SFXN4: variants seen among roughly 807,000 people sequenced by gnomAD.
SFXN4 encodes sideroflexin-4.
A neutral mutation model predicts 54.6 loss-of-function variants in SFXN4; 48 were observed. That is an observed-to-expected ratio of 0.88 (90% CI 0.70 to 1.12). The LOEUF (loss-of-function observed/expected upper bound fraction) is 1.12. SFXN4 is among the 50% of genes most tolerant of loss of function. The probability of loss-of-function intolerance (pLI) is 0.00; values close to 1 mark genes in which losing one functional copy is unlikely to be tolerated. For missense variants in SFXN4, 383 were observed against 409.2 expected, an observed-to-expected ratio of 0.94 and a Z score of 0.55; for synonymous variants, 130 against 145.5, an observed-to-expected ratio of 0.89 and a Z score of 0.77.
At chr10:119,146,452 T>TGCGC in intron 12 of SFXN4, 99 bp from the exon 13 acceptor site, 1 of 588,444 alleles carries the variant, frequency 1.7e-6, no homozygotes. Context: ...TGTGTGTGTG[T>TGCGC]GTGTGTGTGC....
chr10:119,158,490 C>T (rs1382476927), intron 6 of SFXN4, among the ~76,000 whole-genome samples: 1 of 151,460 alleles, frequency 6.6e-6, no homozygotes, highest in Non-Finnish European at 1.5e-5. Flanking sequence ...GTGGTGCACA[C>T]CTGTAATCCC....
chr10:119,142,877 G>T (rs535375173), intron 13 of SFXN4, among the ~76,000 whole-genome samples: 2 of 151,662 alleles, frequency 1.3e-5, no homozygotes, highest in Non-Finnish European at 2.9e-5. Context: ...GATTACAGGC[G>T]CCTGCCACCA....
At chr10:119,162,723 AG>A (rs1466428220) in intron 2 of SFXN4, among the ~76,000 whole-genome samples, 1 of 152,182 alleles carries the variant, frequency 6.6e-6, no homozygotes, top group African/African-American at 2.4e-5. Context: ...TCAGAAACCT[AG>A]AAGTCCTTCT....
chr10:119,151,623 C>G (rs926660617), intron 11 of SFXN4, among the ~76,000 whole-genome samples: 3 of 151,802 alleles, frequency 2.0e-5, no homozygotes, highest in African/African-American at 7.3e-5. Flanking sequence ...TCAAGTGATT[C>G]TCCTGCCTCA....
intron 1 of SFXN4, among the ~76,000 whole-genome samples, chr10:119,164,635 C>G (rs553678743): frequency 6.6e-6 from 1 of 152,256 alleles, no homozygotes; most frequent in South Asian, 2.1e-4. Context: ...CCATTAAGGG[C>G]TCAATGGTGC....
chr10:119,159,764 G>C lies in SFXN4; in HGVS notation c.335-11C>G. Reference sequence around the variant, plus strand: ...TGAAAGGCAGGAACGCTGGCAGGAAGAGAAGAGAGGAGGTGTCAGTGATCA... The same window carrying C: ...TGAAAGGCAGGAACGCTGGCAGGAACAGAAGAGAGGAGGTGTCAGTGATCA... On this transcript the variant is annotated splice_polypyrimidine_tract_variant and intron_variant, in intron 5 of 13. Coordinates refer to ENST00000355697, the MANE Select transcript of SFXN4 (RefSeq NM_213649.2). 1.9e-6 allele frequency: 3 copies of C among 1,613,580 alleles called. No individual in the cohort carries two copies. Among genetic ancestry groups the C allele is most frequent in the Non-Finnish European group, 2.5e-6 (3 of 1,179,598 alleles).
intron 9 of SFXN4, 95 bp from the exon 10 acceptor site, chr10:119,156,851 T>G (rs1479556690): frequency 2.3e-6 from 2 of 867,144 alleles, no homozygotes; most frequent in African/African-American, 3.4e-5. Flanking sequence ...CTAGTTCCTA[T>G]TACAAGTCAG....
At chr10:119,142,317 C>T (rs937024940) in intron 13 of SFXN4, among the ~76,000 whole-genome samples, 2 of 152,118 alleles carry the variant, frequency 1.3e-5, no homozygotes, top group Non-Finnish European at 2.9e-5. Flanking sequence ...ACCTCCCACA[C>T]CCAGCAGTAG....
chr10:119,156,470 T>C (rs1847283373), intron 10 of SFXN4, among the ~76,000 whole-genome samples: 1 of 152,188 alleles, frequency 6.6e-6, no homozygotes, highest in African/African-American at 2.4e-5. Context: ...TTGTGTTCAT[T>C]CTTTAGCCAT....
chr10:119,143,078 G>C (rs931034662), intron 13 of SFXN4, among the ~76,000 whole-genome samples: 9 of 151,868 alleles, frequency 5.9e-5, no homozygotes, highest in Admixed American at 3.9e-4. Context: ...TGGCATCTGA[G>C]GTCACGCGTG....
chr10:119,154,777 A>C (rs930088244), intron 11 of SFXN4, among the ~76,000 whole-genome samples: 1 of 152,204 alleles, frequency 6.6e-6, no homozygotes, highest in African/African-American at 2.4e-5. Flanking sequence ...GGTTGCAGTG[A>C]GCCAAGACTG....
chr10:119,164,353 C>T (rs1225543136), intron 1 of SFXN4, among the ~76,000 whole-genome samples, 157 bp from the exon 2 acceptor site: 1 of 150,674 alleles, frequency 6.6e-6, no homozygotes, highest in African/African-American at 2.5e-5. Context: ...CCAACCTCTC[C>T]AGGTTCTCCA....
chr10:119,157,958 C>T lies in SFXN4; in HGVS notation c.415-31G>A, dbSNP rs376875849. 79 of 1,613,964 alleles carry T rather than the reference C, an allele frequency of 4.9e-5. No individual in the cohort carries two copies. The African/African-American group carries it at 5.3e-4, about 11-fold the overall frequency. ...GAGAGGGGCAAATGGATCGCATTTT[C>T]GTTTCAAGCATAACAGAATTTAGTA... On this transcript the variant is annotated intron_variant, in intron 7 of 13. Coordinates refer to ENST00000355697, the MANE Select transcript of SFXN4 (RefSeq NM_213649.2).
At chr10:119,148,496 C>T (rs527648251) in intron 11 of SFXN4, among the ~76,000 whole-genome samples, 1 of 152,170 alleles carries the variant, frequency 6.6e-6, no homozygotes, top group East Asian at 1.9e-4. Context: ...AGGTTTGCTC[C>T]GTATTTCCCA....
At chr10:119,161,268 G>A (rs181613929) in intron 3 of SFXN4, among the ~76,000 whole-genome samples, 187 bp from the exon 4 acceptor site, 14 of 151,940 alleles carry the variant, frequency 9.2e-5, no homozygotes, top group East Asian at 7.8e-4. Context: ...ACAGGCTCAC[G>A]CCACCATTCC....
At chr10:119,162,114 T>C (rs1212432609) in intron 3 of SFXN4, 7 of 546,820 alleles carry the variant, frequency 1.3e-5, no homozygotes, top group Non-Finnish European at 2.3e-5. Flanking sequence ...TGGGACAGAA[T>C]TCTAACTACA....
At chr10:119,165,367 G>T (rs1471944407) in intron 1 of SFXN4, 170 bp downstream of exon 1, 34 of 1,312,044 alleles carry the variant, frequency 2.6e-5, no homozygotes, top group Non-Finnish European at 3.2e-5. Flanking sequence ...CCCCTGCCGC[G>T]CCCTAAGGGG....
chr10:119,156,448 G>T (rs1339733923), intron 10 of SFXN4, among the ~76,000 whole-genome samples: 2 of 152,170 alleles, frequency 1.3e-5, no homozygotes, highest in Non-Finnish European at 2.9e-5. Context: ...AATGTAATTT[G>T]TGTTTCCAGT....
chr10:119,165,092 T>C, intron 1 of SFXN4: 1 of 409,968 alleles, frequency 2.4e-6, no homozygotes, highest in African/African-American at 2.2e-5. Flanking sequence ...ATCATATTTC[T>C]ATTGGACGGT....
Sources: gnomAD v4.1 joint callset for allele counts (sites outside exome capture counted in the v4.1 genomes callset) on GRCh38, gnomAD v4.1.1 for gene constraint, MANE v1.5 for transcripts, NCBI Gene and HGNC (gene_info 2026-07-23, HGNC 2026-07-21) for gene names.